SF3A1: variants seen among roughly 807,000 people sequenced by gnomAD.
SF3A1 encodes splicing factor 3a subunit 1.
A neutral mutation model predicts 89.9 loss-of-function variants in SF3A1; 13 were observed. The ratio of observed to expected loss-of-function variants is 0.14; its 90% CI spans 0.09 to 0.23. The LOEUF is 0.23. Among genes scored for constraint, SF3A1 ranks in the 10% least tolerant of loss-of-function variants. The probability of loss-of-function intolerance (pLI) is 1.00; values close to 1 mark genes in which losing one functional copy is unlikely to be tolerated. For synonymous variants in SF3A1, 405 were observed against 374.4 expected, an observed-to-expected ratio of 1.08 and a Z score of -0.94; for missense variants, 604 against 1,022.1, an observed-to-expected ratio of 0.59 and a Z score of 5.58.
At chr22:30,339,510 T>C (rs1023511772) in intron 9 of SF3A1, among the ~76,000 whole-genome samples, 16 of 152,090 alleles carry the variant, frequency 1.1e-4, no homozygotes, top group Non-Finnish European at 8.8e-5. Flanking sequence ...TCCCAGCACT[T>C]TGGGGGGCCA....
intron 2 of SF3A1, among the ~76,000 whole-genome samples, chr22:30,348,684 G>A (rs1409571154): frequency 6.6e-6 from 1 of 152,078 alleles, no homozygotes; most frequent in Non-Finnish European, 1.5e-5. Flanking sequence ...AGTCTAACTG[G>A]AACCTCATGC....
rs796147259 is a variant in SF3A1 at position 30,351,301 on chromosome 22, TA to T, written c.185+1649del. Among the ~76,000 whole-genome samples the T allele has an allele frequency of 9.5e-3, 1,352 of 142,690 alleles. 4 individuals carry two copies. The highest frequency in any genetic ancestry group is 0.022 in the Middle Eastern group (6 of 276). 93.6% of individuals were successfully genotyped at this position (142,690 alleles called of 152,430 possible). On this transcript the variant is annotated intron_variant, in intron 2 of 15. Transcript: ENST00000215793. ...CAACAGAGTGAGACTCCATGTCATT[TA>T]AAAAAAAAAAAAAGAAAGTCTAACC...
rs1931211970 is a variant in SF3A1 at position 30,340,389 on chromosome 22, G to A, written c.1190-8C>T. The A allele has an allele frequency of 6.2e-7, 1 of 1,611,008 alleles. No homozygotes were observed. The highest frequency in any genetic ancestry group is 1.1e-5 in the South Asian group (1 of 90,680). ...GAGGCAAGGGCTTGGAGGCTAAAAG[G>A]AAACAGATGTTTCAGTAAGAACACT... is the stretch of plus-strand genomic sequence containing the variant. On this transcript the variant is annotated splice_polypyrimidine_tract_variant and splice_region_variant and intron_variant, in intron 8 of 15. Coordinates refer to ENST00000215793, the MANE Select transcript of SF3A1 (RefSeq NM_005877.6).
chr22:30,342,103 T>G (rs1211404368), intron 6 of SF3A1, 97 bp downstream of exon 6: 2 of 1,430,196 alleles, frequency 1.4e-6, no homozygotes, highest in East Asian at 2.3e-5. Flanking sequence ...TAAAGCCCTC[T>G]GAGAGATTCT....
At chr22:30,344,598 T>C (rs564290969) in intron 4 of SF3A1, among the ~76,000 whole-genome samples, 1 of 152,340 alleles carries the variant, frequency 6.6e-6, no homozygotes, top group Non-Finnish European at 1.5e-5. Context: ...TCTTAAAGGT[T>C]GGCTTCTTCT....
chr22:30,346,651 T>C (rs1324415775), intron 2 of SF3A1, 132 bp from the exon 3 acceptor site: 7 of 922,792 alleles, frequency 7.6e-6, no homozygotes, highest in African/African-American at 1.7e-5. Flanking sequence ...GCAGACGTCC[T>C]CCTCTAGCTT....
intron 2 of SF3A1, among the ~76,000 whole-genome samples, chr22:30,351,408 G>A (rs575403052): frequency 6.6e-6 from 1 of 152,352 alleles, no homozygotes; most frequent in South Asian, 2.1e-4. Flanking sequence ...CTGAGACACT[G>A]CCTCAGGGGG....
chr22:30,337,925 C>A (rs2074731), intron 11 of SF3A1, 28 bp from the exon 12 acceptor site: 279,222 of 1,548,984 alleles, frequency 0.18, 28,829 homozygotes, highest in South Asian at 0.37. Flanking sequence ...CCACAGATTA[C>A]AGGAAGCCAA....
chr22:30,351,603 C>T (rs936949273), intron 2 of SF3A1, among the ~76,000 whole-genome samples: 11 of 152,184 alleles, frequency 7.2e-5, no homozygotes, highest in African/African-American at 2.2e-4. Flanking sequence ...TGGGCCCAAC[C>T]GATCCTCTTG....
Position 30,334,384 on chromosome 22 carries a change from G to C in SF3A1, c.*210C>G, listed in dbSNP as rs148941306. Reference sequence around the variant, plus strand: ...GACCCTAACACAAAGAGATTCCAGAGAGTGGCTTAGAAAACCCAGCTACTC... The same window carrying C: ...GACCCTAACACAAAGAGATTCCAGACAGTGGCTTAGAAAACCCAGCTACTC... On this transcript the variant is annotated 3_prime_UTR_variant, in exon 16 of 16. Transcript: ENST00000215793. 78 of 448,676 alleles carry C rather than the reference G, an allele frequency of 1.7e-4. No homozygotes were observed. Among genetic ancestry groups the C allele is most frequent in the African/African-American group, 1.4e-3 (69 of 48,000 alleles). The allele number at this position is 448,676 out of a possible 1,614,324, so 27.8% of individuals were successfully genotyped here. A position where few individuals can be genotyped will look rare whatever the true frequency, so the allele number is the denominator to read the frequency against.
intron 5 of SF3A1, 79 bp downstream of exon 5, chr22:30,342,726 C>A (rs376124274): frequency 2.1e-6 from 2 of 944,562 alleles, no homozygotes; most frequent in African/African-American, 1.6e-5. Context: ...ATAACAAGGT[C>A]CTGCCTCAGA....
intron 2 of SF3A1, among the ~76,000 whole-genome samples, chr22:30,351,191 C>A (rs1371691722): frequency 2.6e-5 from 4 of 152,012 alleles, no homozygotes; most frequent in African/African-American, 7.2e-5. Context: ...CCCAGCTACT[C>A]GGGAGGCTGA....
intron 1 of SF3A1, among the ~76,000 whole-genome samples, chr22:30,354,463 C>T (rs1291415472): frequency 6.6e-6 from 1 of 152,198 alleles, no homozygotes; most frequent in Non-Finnish European, 1.5e-5. Context: ...ATTCAAGTTT[C>T]CTTCCTGACC....
chr22:30,355,813 G>GT (rs1049227237), intron 1 of SF3A1, among the ~76,000 whole-genome samples: 3 of 78,680 alleles, frequency 3.8e-5, no homozygotes, highest in East Asian at 6.4e-4. Flanking sequence ...CTTCAGTCAT[G>GT]TTCCCCCCCC....
intron 12 of SF3A1, 48 bp downstream of exon 12, chr22:30,337,642 C>T (rs955667895): frequency 1.2e-5 from 11 of 915,832 alleles, no homozygotes; most frequent in African/African-American, 3.5e-5. Context: ...GTACTTGGCC[C>T]GTGGTCCCTG....
intron 13 of SF3A1, among the ~76,000 whole-genome samples, chr22:30,336,726 G>A (rs1266976320): frequency 6.6e-6 from 1 of 152,196 alleles, no homozygotes; most frequent in Non-Finnish European, 1.5e-5. Flanking sequence ...TCACACGTGA[G>A]TTGTGCTGCC....
chr22:30,337,958 C>T (rs1931126054), intron 11 of SF3A1, 61 bp from the exon 12 acceptor site: 2 of 1,210,236 alleles, frequency 1.7e-6, no homozygotes, highest in South Asian at 1.3e-5. Flanking sequence ...AGGTCACACA[C>T]AGTTGGCAAC....
At chr22:30,338,276 C>T (rs544154735) in intron 11 of SF3A1, among the ~76,000 whole-genome samples, 25 of 152,102 alleles carry the variant, frequency 1.6e-4, no homozygotes, top group Admixed American at 4.6e-4. Context: ...CTGACCAACA[C>T]GGAGAAACCT....
intron 9 of SF3A1, 89 bp downstream of exon 9, chr22:30,340,107 G>A: frequency 8.4e-7 from 1 of 1,194,940 alleles, no homozygotes; most frequent in Non-Finnish European, 1.1e-6. Flanking sequence ...AGCTTTTGTT[G>A]ACCTCAATTG....
Sources: allele counts gnomAD v4.1 joint callset (sites outside exome capture counted in the v4.1 genomes callset), GRCh38; gene constraint gnomAD v4.1.1; transcripts MANE v1.5; gene names NCBI Gene and HGNC (gene_info 2026-07-23, HGNC 2026-07-21).